The following NACC2 variants were observed in gnomAD, a reference collection of about 807,000 sequenced individuals.
NACC2 encodes the protein NACC family member 2.
In NACC2, 8 loss-of-function variants were observed where a neutral mutation model predicts 25.1. The observed-to-expected ratio is 0.32, with a 90% confidence interval of 0.19 to 0.57. The LOEUF is 0.57. NACC2 is among the 20% of genes least tolerant of loss of function. The pLI, the probability that NACC2 is intolerant of heterozygous loss-of-function variation, is 0.89. For synonymous variants in NACC2, 435 were observed against 294.7 expected, an observed-to-expected ratio of 1.48 and a Z score of -4.88; for missense variants, 644 against 650.2, an observed-to-expected ratio of 0.99 and a Z score of 0.10.
chr9:136,023,861 G>A (rs1840334203), intron 2 of NACC2, among the ~76,000 whole-genome samples: 1 of 152,202 alleles, frequency 6.6e-6, no homozygotes, highest in African/African-American at 2.4e-5. Flanking sequence ...AGGACACTAA[G>A]GACAAATGAA....
At position 136,013,506 on chromosome 9, in the gene NACC2, G is replaced by A. The variant is rs558602674; in HGVS notation, c.1158-210C>T. 3.7e-4 allele frequency among the ~76,000 whole-genome samples: 56 copies of A among 152,338 alleles called. No homozygotes were observed. The highest frequency in any genetic ancestry group is 1.3e-3 in the African/African-American group (56 of 41,576). On this transcript the variant is annotated intron_variant, in intron 4 of 5. Transcript: ENST00000277554. The surrounding 1 kb of genome is among the most constrained non-coding windows in gnomAD (Gnocchi z 6.6). The stretch of plus-strand genomic sequence containing the variant: ...GGGCTGAGAAGATGACCGGGTGATG[G>A]GGCTGCAAGGTGACCTGAGCCTTGT...
intron 3 of NACC2, among the ~76,000 whole-genome samples, chr9:136,015,577 G>C (rs910632693): frequency 6.6e-6 from 1 of 152,170 alleles, no homozygotes; most frequent in African/African-American, 2.4e-5. Flanking sequence ...ATGGCCTTTG[G>C]GGGTGGACAG....
intron 1 of NACC2, among the ~76,000 whole-genome samples, chr9:136,070,841 A>G (rs1233098233): frequency 6.6e-6 from 1 of 151,834 alleles, no homozygotes; most frequent in African/African-American, 2.4e-5. Flanking sequence ...CAAGACTGAC[A>G]AGAGTAGATA....
intron 1 of NACC2, among the ~76,000 whole-genome samples, chr9:136,074,647 T>C (rs576505917): frequency 4.0e-5 from 6 of 151,650 alleles, no homozygotes; most frequent in Non-Finnish European, 8.8e-5. Flanking sequence ...TCAAGGAACC[T>C]ATCTCTGGTT....
chr9:136,083,055 C>A (rs151219276), intron 1 of NACC2, among the ~76,000 whole-genome samples: 2 of 152,238 alleles, frequency 1.3e-5, no homozygotes, highest in African/African-American at 4.8e-5. Flanking sequence ...GATCTCCTGA[C>A]GACCGAGCAC....
intron 1 of NACC2, among the ~76,000 whole-genome samples, chr9:136,093,251 C>G (rs140861612): frequency 6.6e-6 from 1 of 152,352 alleles, no homozygotes; most frequent in Non-Finnish European, 1.5e-5. Context: ...AAGAACCGCT[C>G]AGCACCAAGA....
chr9:136,052,522 G>A (rs1052401181), intron 1 of NACC2, among the ~76,000 whole-genome samples: 1 of 152,086 alleles, frequency 6.6e-6, no homozygotes, highest in Non-Finnish European at 1.5e-5. Flanking sequence ...GAGAGGCACA[G>A]AAACGGCAGG....
rs1840275595 is a variant in NACC2, at chr9:136,020,512, GCCGCCT to G, written c.887-4089_887-4084del. ...GTGGGCGGCAGTGGCGAGTGGTAGGGCCGCCTGGTGGAGCCCAGCAGAGCCTCGGCG... is the reference window on the plus strand; with the variant it reads ...GTGGGCGGCAGTGGCGAGTGGTAGGGGGTGGAGCCCAGCAGAGCCTCGGCG... On this transcript the variant is annotated intron_variant, in intron 2 of 5. Transcript: ENST00000277554. This position sits in a 1 kb window ranked among gnomAD's most constrained non-coding sequence, Gnocchi z 4.7. Among the ~76,000 whole-genome samples the G allele has an allele frequency of 6.6e-6, 1 of 152,254 alleles. No homozygotes were observed.
chr9:136,050,262 G>T lies in NACC2; in HGVS notation c.260C>A (p.Thr87Lys). Reference protein sequence around the residue: ...CFQQILSFCYTGRLTMTASEQ... With the variant: ...CFQQILSFCYKGRLTMTASEQ... ...GCTGGCCGTCATGGTGAGCCTGCCC[G>T]TGTAGCAGAAGGACAGGATCTGCTG... The change falls in exon 2 of 6, where the codon ACG (threonine) becomes AAG (lysine). Residue 87 changes from threonine to lysine, a missense_variant. Coordinates refer to ENST00000277554, the MANE Select transcript of NACC2 (RefSeq NM_144653.5). The T allele has an allele frequency of 1.3e-6, 1 of 767,188 alleles. No homozygotes were observed. 47.5% of individuals were successfully genotyped at this position (767,188 alleles called of 1,614,324 possible).
chr9:136,086,512 T>C lies in NACC2; in HGVS notation c.-60+8677A>G, dbSNP rs1033298329. Among the ~76,000 whole-genome samples, 1 of 151,974 alleles carries C rather than the reference T, an allele frequency of 6.6e-6. No homozygotes were observed. Among genetic ancestry groups the C allele is most frequent in the Non-Finnish European group, 1.5e-5 (1 of 67,958 alleles). On this transcript the variant is annotated intron_variant, in intron 1 of 5. Transcript: ENST00000277554. The surrounding 1 kb of genome is among the most constrained non-coding windows in gnomAD (Gnocchi z 5.6). Reference sequence around the variant, plus strand: ...CCAGGGACGTCGCATGCCCCCAGCTTCCCGACAGCCATCTGCCTGCCAGCA... The same window carrying C: ...CCAGGGACGTCGCATGCCCCCAGCTCCCCGACAGCCATCTGCCTGCCAGCA...
chr9:136,022,362 C>T lies in NACC2; in HGVS notation c.887-5933G>A, dbSNP rs1840305896. ...CCCCGAAAGCACACAGGTGTGGACT[C>T]AACACCCTCCTGCCCGATGCCCAGC... On this transcript the variant is annotated intron_variant, in intron 2 of 5. Transcript: ENST00000277554. This position sits in a 1 kb window ranked among gnomAD's most constrained non-coding sequence, Gnocchi z 4.4. 1.3e-5 allele frequency among the ~76,000 whole-genome samples: 2 copies of T among 152,224 alleles called. No homozygotes were observed. The highest frequency in any genetic ancestry group is 2.1e-4 in the South Asian group (1 of 4,834).
intron 2 of NACC2, among the ~76,000 whole-genome samples, chr9:136,024,207 AGTGT>A (rs200789223): frequency 9.0e-5 from 8 of 88,846 alleles, no homozygotes; most frequent in Non-Finnish European, 1.7e-4. Context: ...GTGAGGACAG[AGTGT>A]GTGTGTGTGA....
chr9:136,071,202 C>T (rs1423104124), intron 1 of NACC2, among the ~76,000 whole-genome samples: 2 of 151,492 alleles, frequency 1.3e-5, no homozygotes, highest in African/African-American at 2.4e-5. Flanking sequence ...CACTACACTC[C>T]ATCCAGCCTG....
intron 1 of NACC2, among the ~76,000 whole-genome samples, chr9:136,078,416 T>C (rs1040516732): frequency 1.3e-5 from 2 of 152,230 alleles, no homozygotes; most frequent in Non-Finnish European, 2.9e-5. Context: ...GGCTTTTCCA[T>C]TTAATCTTTA....
At chr9:136,065,671 T>C (rs1841070859) in intron 1 of NACC2, among the ~76,000 whole-genome samples, 1 of 151,952 alleles carries the variant, frequency 6.6e-6, no homozygotes, top group Non-Finnish European at 1.5e-5. Context: ...CCAGGAGTGG[T>C]GGCACATGCC....
chr9:136,014,270 C>T (rs1480415992), intron 3 of NACC2, among the ~76,000 whole-genome samples: 1 of 152,048 alleles, frequency 6.6e-6, no homozygotes, highest in African/African-American at 2.4e-5. Context: ...CCCGGCCATG[C>T]TGCGGTCCCC....
At chr9:136,043,373 C>A (rs1280591081) in intron 2 of NACC2, among the ~76,000 whole-genome samples, 1 of 152,214 alleles carries the variant, frequency 6.6e-6, no homozygotes, top group East Asian at 1.9e-4. Context: ...TACTGACCAT[C>A]AGGGAAATGC....
chr9:136,072,604 C>A (rs1346395622), intron 1 of NACC2, among the ~76,000 whole-genome samples: 1 of 152,202 alleles, frequency 6.6e-6, no homozygotes, highest in Non-Finnish European at 1.5e-5. Context: ...GTAATCCCAG[C>A]ACTTTGGGAT....
chr9:136,046,185 C>T (rs918587546), intron 2 of NACC2, among the ~76,000 whole-genome samples: 5 of 152,188 alleles, frequency 3.3e-5, no homozygotes, highest in Admixed American at 6.5e-5. Flanking sequence ...CGTGGTGGGG[C>T]GGGAAGGGAT....
Sources: gnomAD v4.1 joint callset for allele counts (sites outside exome capture counted in the v4.1 genomes callset) on GRCh38, gnomAD v4.1.1 for gene constraint, Gnocchi (gnomAD v3.1) non-coding constraint, MANE v1.5 for transcripts, NCBI Gene and HGNC (gene_info 2026-07-23, HGNC 2026-07-21) for gene names.